Variants in OTUD7B observed in about 807,000 individuals in gnomAD.
OTUD7B encodes OTU deubiquitinase 7B, also known as OTU domain-containing protein 7B.
Under a neutral mutation model 82.2 loss-of-function variants are expected in OTUD7B, and 34 were observed. The ratio of observed to expected loss-of-function variants is 0.41; its 90% confidence interval spans 0.31 to 0.55. The LOEUF (loss-of-function observed/expected upper bound fraction) is 0.55, where lower values mean the gene tolerates loss of function less well. Among genes scored for constraint, OTUD7B ranks in the 20% least tolerant of loss-of-function variants. The pLI, the probability that OTUD7B is intolerant of heterozygous loss-of-function variation, is 0.20. For missense variants in OTUD7B, 944 were observed against 1,062.1 expected, an observed-to-expected ratio of 0.89 and a Z score of 1.55; for synonymous variants, 398 against 402.7, an observed-to-expected ratio of 0.99 and a Z score of 0.14.
At chr1:150,004,558 C>T (rs1652529913) in intron 1 of OTUD7B, among the ~76,000 whole-genome samples, 1 of 151,464 alleles carries the variant, frequency 6.6e-6, no homozygotes, top group African/African-American at 2.4e-5. Context: ...GAGCAAGACC[C>T]TGTCTCAAAA....
chr1:149,989,310 T>C (rs587690602), intron 1 of OTUD7B, among the ~76,000 whole-genome samples: 1 of 151,812 alleles, frequency 6.6e-6, no homozygotes, highest in South Asian at 2.1e-4. Context: ...CTGTCTTCAC[T>C]AAAAATACAA....
At chr1:150,011,889 A>T (rs782489966), upstream of OTUD7B, among the ~76,000 whole-genome samples, 7 of 152,212 alleles carry the variant, frequency 4.6e-5, no homozygotes, top group Non-Finnish European at 1.0e-4. Flanking sequence ...GGGCATAGGC[A>T]TTTTAGAATT....
chr1:150,053,983 G>A, the OTUD7B span: 1 of 376,356 alleles, frequency 2.7e-6, no homozygotes, highest in South Asian at 5.3e-5. Flanking sequence ...CCAAGAACAG[G>A]AAGCCCCATT....
chr1:150,065,300 C>T, the OTUD7B span, among the ~76,000 whole-genome samples: 6 of 152,268 alleles, frequency 3.9e-5, no homozygotes, highest in East Asian at 1.2e-3. Flanking sequence ...TCTTGAACTT[C>T]TGGACTCAAA....
At chr1:149,973,678 G>T (rs782725950) in intron 2 of OTUD7B, among the ~76,000 whole-genome samples, 27 of 151,872 alleles carry the variant, frequency 1.8e-4, no homozygotes, top group Non-Finnish European at 3.4e-4. Flanking sequence ...TGGAGATGGG[G>T]CTTCACCCTG....
intron 3 of OTUD7B, among the ~76,000 whole-genome samples, chr1:149,968,150 G>A (rs1553777015): frequency 6.6e-6 from 1 of 151,166 alleles, no homozygotes; most frequent in Non-Finnish European, 1.5e-5. Flanking sequence ...TATAATCCCA[G>A]CTACTCGGGA....
upstream of OTUD7B, among the ~76,000 whole-genome samples, chr1:150,014,187 A>G (rs1653202333): frequency 7.0e-6 from 1 of 143,302 alleles, no homozygotes; most frequent in Non-Finnish European, 1.5e-5. Context: ...TGGCTTGAGC[A>G]CAGGAGTTTG....
rs587658815 is a variant in OTUD7B, at chr1:149,973,640, C to T, written c.86-2389G>A. On this transcript the variant is annotated intron_variant, in intron 2 of 11. Transcript: ENST00000581312. ...AACTGGGATAACAGGCGCGTGCCAC[C>T]ATTCCTGGCTAATTTTTGTATTTTT... is the stretch of plus-strand genomic sequence containing the variant. 5.9e-5 allele frequency among the ~76,000 whole-genome samples: 9 copies of T among 151,732 alleles called. No homozygotes were observed. In the South Asian group the frequency reaches 1.5e-3, roughly 25 times the overall value.
intron 1 of OTUD7B, among the ~76,000 whole-genome samples, chr1:149,999,103 A>G (rs1026242622): frequency 6.6e-6 from 1 of 152,178 alleles, no homozygotes; most frequent in East Asian, 1.9e-4. Context: ...TGCACAGCCA[A>G]GTGTTCGGTG....
chr1:149,975,468 G>C (rs1323670689), intron 2 of OTUD7B, among the ~76,000 whole-genome samples: 1 of 152,190 alleles, frequency 6.6e-6, no homozygotes, highest in Non-Finnish European at 1.5e-5. Context: ...TTTATTGTAT[G>C]GTGGTTGTGA....
At chr1:150,060,478 C>A in the OTUD7B span, among the ~76,000 whole-genome samples, 27 of 152,262 alleles carry the variant, frequency 1.8e-4, no homozygotes, top group South Asian at 8.3e-4. Context: ...TGACACTTGA[C>A]CTTAGACATC....
At chr1:150,044,455 G>A in the OTUD7B span, among the ~76,000 whole-genome samples, 1 of 151,920 alleles carries the variant, frequency 6.6e-6, no homozygotes. Context: ...TGACCCACCC[G>A]CCTCAACCTC....
At chr1:150,064,590 A>G in the OTUD7B span, among the ~76,000 whole-genome samples, 1 of 152,178 alleles carries the variant, frequency 6.6e-6, no homozygotes, top group South Asian at 2.1e-4. Flanking sequence ...GTTGGTCTCA[A>G]ATTCCTGGGC....
chr1:149,978,457 C>T (rs1553779098), intron 1 of OTUD7B, among the ~76,000 whole-genome samples: 2 of 151,448 alleles, frequency 1.3e-5, no homozygotes, highest in African/African-American at 4.9e-5. Context: ...TGCAGTGAGC[C>T]GAGATCACAC....
At chr1:150,067,570 T>C in the OTUD7B span, 1 of 413,982 alleles carries the variant, frequency 2.4e-6, no homozygotes, top group South Asian at 4.9e-5. Flanking sequence ...GCAATAGGGG[T>C]CTGAGAGTCC....
chr1:149,945,006 A>T lies in OTUD7B; in HGVS notation c.1383T>A (p.Thr461=), dbSNP rs781821068. The change falls in exon 12 of 12, where the codon ACT becomes ACA. Residue 461 remains threonine (T), a synonymous_variant. Transcript: ENST00000581312. ...CCTTGTCTGAGTCTCCAGACTCAGGAGTGGACCGGGGCTCATCTCCAGCTG... is the reference window on the plus strand; with the variant it reads ...CCTTGTCTGAGTCTCCAGACTCAGGTGTGGACCGGGGCTCATCTCCAGCTG... ...TASAGDEPRS[T]PESGDSDKES... 1 of 1,614,030 alleles carries T rather than the reference A, an allele frequency of 6.2e-7. No homozygotes were observed. The highest frequency in any genetic ancestry group is 1.7e-5 in the Admixed American group (1 of 60,000).
chr1:149,982,841 CT>C (rs34122678), intron 1 of OTUD7B, among the ~76,000 whole-genome samples: 16 of 84,176 alleles, frequency 1.9e-4, no homozygotes, highest in African/African-American at 3.0e-4. Context: ...TCCTCTCTTA[CT>C]TTTTTTTTTT....
At chr1:150,053,021 A>G in the OTUD7B span, among the ~76,000 whole-genome samples, 1 of 152,144 alleles carries the variant, frequency 6.6e-6, no homozygotes, top group Admixed American at 6.5e-5. Flanking sequence ...TCTTTACACC[A>G]TATACAAAAA....
At chr1:149,953,363 T>C (rs1289360085) in intron 7 of OTUD7B, among the ~76,000 whole-genome samples, 1 of 152,194 alleles carries the variant, frequency 6.6e-6, no homozygotes, top group African/African-American at 2.4e-5. Context: ...GTTGTAGATG[T>C]GTGGTATTAT....
Sources: allele counts gnomAD v4.1 joint callset (sites outside exome capture counted in the v4.1 genomes callset), GRCh38; gene constraint gnomAD v4.1.1; transcripts MANE v1.5; gene names NCBI Gene and HGNC (gene_info 2026-07-23, HGNC 2026-07-21).